The following PARD3 variants were observed in gnomAD, a reference collection of about 807,000 sequenced individuals.
PARD3 encodes par-3 family cell polarity regulator.
Under a neutral mutation model 155.4 loss-of-function variants are expected in PARD3, and 75 were observed. That is an observed-to-expected ratio of 0.48 (90% CI 0.40 to 0.58). PARD3 has a LOEUF of 0.58. Ranked by LOEUF, PARD3 falls within the 20% of genes least tolerant of loss-of-function variation. PARD3 has a pLI of 0.00. For synonymous variants in PARD3, 576 were observed against 610.5 expected (o/e 0.94, Z 0.83); for missense variants, 1,642 against 1,721.7 (o/e 0.95, Z 0.82).
intron 7 of PARD3, among the ~76,000 whole-genome samples, chr10:34,395,527 C>G (rs192859494): frequency 1.6e-4 from 24 of 152,050 alleles, no homozygotes; most frequent in African/African-American, 5.8e-4. Context: ...ATAACATATA[C>G]AAGGAAATAA....
chr10:34,621,207 GTTT>G (rs776876508), intron 2 of PARD3, among the ~76,000 whole-genome samples: 3 of 151,646 alleles, frequency 2.0e-5, no homozygotes, highest in Admixed American at 6.6e-5. Context: ...TTTTTTGGGG[GTTT>G]TTTTTGTTGT....
intron 22 of PARD3, among the ~76,000 whole-genome samples, chr10:34,252,649 A>C (rs1332387130): frequency 6.6e-6 from 1 of 152,150 alleles, no homozygotes; most frequent in African/African-American, 2.4e-5. Flanking sequence ...TGCATGAAGC[A>C]TCATTGTTTA....
chr10:34,424,251 A>G (rs1342469235), intron 5 of PARD3, among the ~76,000 whole-genome samples: 2 of 152,222 alleles, frequency 1.3e-5, no homozygotes, highest in East Asian at 3.8e-4. Flanking sequence ...ACAAACAAAC[A>G]TAAAGAGTTT....
At chr10:34,404,250 T>G (rs1844205031) in intron 5 of PARD3, among the ~76,000 whole-genome samples, 1 of 152,220 alleles carries the variant, frequency 6.6e-6, no homozygotes, top group African/African-American at 2.4e-5. Context: ...TTCTGTTGTC[T>G]GGTACTTTTT....
chr10:34,248,183 CT>C (rs1243089063), intron 22 of PARD3, among the ~76,000 whole-genome samples: 3 of 152,158 alleles, frequency 2.0e-5, no homozygotes, highest in African/African-American at 7.2e-5. Context: ...TTGCTAACAA[CT>C]TTCATGGTTC....
intron 2 of PARD3, among the ~76,000 whole-genome samples, chr10:34,667,971 G>T (rs1014396281): frequency 6.6e-6 from 1 of 152,168 alleles, no homozygotes; most frequent in African/African-American, 2.4e-5. Flanking sequence ...AAGAGGAGGT[G>T]CAGTACACTA....
At chr10:34,700,680 T>A (rs919768369) in intron 1 of PARD3, among the ~76,000 whole-genome samples, 1 of 152,118 alleles carries the variant, frequency 6.6e-6, no homozygotes, top group African/African-American at 2.4e-5. Context: ...AAATTAAAAT[T>A]TATCTGACAG....
intron 1 of PARD3, among the ~76,000 whole-genome samples, chr10:34,737,833 G>A (rs1428832852): frequency 6.6e-6 from 1 of 152,140 alleles, no homozygotes; most frequent in African/African-American, 2.4e-5. Flanking sequence ...AAGACACACA[G>A]CAAACCAGCA....
intron 2 of PARD3, among the ~76,000 whole-genome samples, chr10:34,618,617 T>C (rs2091426198): frequency 6.6e-6 from 1 of 152,210 alleles, no homozygotes; most frequent in Non-Finnish European, 1.5e-5. Context: ...TAATGGTATG[T>C]ATCAATCAGG....
Position 34,651,809 on chromosome 10 carries a change from C to T in PARD3, c.222+44509G>A, listed in dbSNP as rs761618711. ...TATCTTCTGCTCATGCTTTGGATTT[C>T]GACACAATTATTTTTTCCTAAGAAA... On this transcript the variant is annotated intron_variant, in intron 2 of 24. Transcript: ENST00000374788. 5.9e-5 allele frequency among the ~76,000 whole-genome samples: 9 copies of T among 152,158 alleles called. No individual in the cohort carries two copies. The East Asian group carries it at 7.7e-4, about 13-fold the overall frequency.
At chr10:34,410,124 T>TA in intron 5 of PARD3, among the ~76,000 whole-genome samples, 1 of 152,146 alleles carries the variant, frequency 6.6e-6, no homozygotes, top group Non-Finnish European at 1.5e-5. Flanking sequence ...AGATAAATTT[T>TA]AAAAAGAAAA....
intron 1 of PARD3, among the ~76,000 whole-genome samples, chr10:34,698,560 T>C (rs2094216712): frequency 6.6e-6 from 1 of 152,176 alleles, no homozygotes; most frequent in Non-Finnish European, 1.5e-5. Flanking sequence ...TTCTTTTGTT[T>C]AGAGACAGTC....
intron 2 of PARD3, among the ~76,000 whole-genome samples, chr10:34,584,800 G>T (rs559635879): frequency 2.6e-5 from 4 of 152,230 alleles, no homozygotes; most frequent in Non-Finnish European, 5.9e-5. Flanking sequence ...AGTCACCCAA[G>T]ATTACTGTTT....
chr10:34,353,034 GC>G (rs1210687871), intron 14 of PARD3, among the ~76,000 whole-genome samples: 9 of 150,120 alleles, frequency 6.0e-5, no homozygotes, highest in Non-Finnish European at 8.9e-5. Context: ...CTGCCCGGCC[GC>G]CCCGTCTGAG....
chr10:34,325,521 C>G (rs1226024858), intron 19 of PARD3, among the ~76,000 whole-genome samples: 2 of 152,128 alleles, frequency 1.3e-5, no homozygotes, highest in African/African-American at 2.4e-5. Flanking sequence ...CTGGGCACCC[C>G]TACACCACCA....
intron 18 of PARD3, among the ~76,000 whole-genome samples, chr10:34,333,088 A>G (rs1316417340): frequency 1.3e-5 from 2 of 152,248 alleles, no homozygotes; most frequent in Admixed American, 6.5e-5. Context: ...TGGCTTCCAT[A>G]CACATGTATT....
At chr10:34,553,417 T>C (rs2084747642) in intron 2 of PARD3, among the ~76,000 whole-genome samples, 1 of 152,148 alleles carries the variant, frequency 6.6e-6, no homozygotes, top group South Asian at 2.1e-4. Context: ...CTTTTATTAA[T>C]AACAAACAAT....
intron 14 of PARD3, among the ~76,000 whole-genome samples, chr10:34,350,327 GCTC>G (rs1190164757): frequency 6.6e-6 from 1 of 152,120 alleles, no homozygotes; most frequent in Non-Finnish European, 1.5e-5. Flanking sequence ...CCCCTTGCAG[GCTC>G]CTTATATTAA....
intron 1 of PARD3, among the ~76,000 whole-genome samples, chr10:34,757,966 T>C (rs1420241622): frequency 6.6e-6 from 1 of 152,222 alleles, no homozygotes; most frequent in Non-Finnish European, 1.5e-5. Context: ...ATAAAATGTT[T>C]GGGCATATAA....
Sources: gnomAD v4.1 joint callset for allele counts (sites outside exome capture counted in the v4.1 genomes callset) on GRCh38, gnomAD v4.1.1 for gene constraint, MANE v1.5 for transcripts, NCBI Gene and HGNC (gene_info 2026-07-23, HGNC 2026-07-21) for gene names.